PDGFD: variants seen among roughly 807,000 people sequenced by gnomAD.
PDGFD encodes the protein platelet-derived growth factor D.
Under a neutral mutation model 44.7 loss-of-function variants are expected in PDGFD, and 30 were observed. The ratio of observed to expected loss-of-function variants is 0.67; its 90% CI spans 0.50 to 0.91. The LOEUF (loss-of-function observed/expected upper bound fraction) is 0.91. Among genes scored for constraint, PDGFD ranks in the 40% least tolerant of loss-of-function variants. PDGFD has a pLI of 0.00. For synonymous variants in PDGFD, 173 were observed against 168.4 expected (o/e 1.03, Z -0.21); for missense variants, 445 against 457.8 (o/e 0.97, Z 0.25).
At chr11:104,073,136 T>C (rs1341923952) in intron 1 of PDGFD, among the ~76,000 whole-genome samples, 2 of 152,024 alleles carry the variant, frequency 1.3e-5, no homozygotes. Context: ...CAGGATTAGT[T>C]TTATCCTCCA....
chr11:104,032,193 A>C lies in PDGFD; in HGVS notation c.125-31938T>G, dbSNP rs1860137359. Among the ~76,000 whole-genome samples, 3 of 152,016 alleles carry C rather than the reference A, an allele frequency of 2.0e-5. No individual in the cohort carries two copies. In the South Asian group the frequency reaches 6.2e-4, roughly 32 times the overall value. ...AAACACAGATATATACAACAACAAC[A>C]ACAAAAATAATGAATAAATAAATAA... On this transcript the variant is annotated intron_variant, in intron 1 of 6. Transcript: ENST00000393158.
chr11:104,118,580 G>T (rs1861675650), intron 1 of PDGFD, among the ~76,000 whole-genome samples: 1 of 150,678 alleles, frequency 6.6e-6, no homozygotes, highest in African/African-American at 2.4e-5. Flanking sequence ...AAAAGGAGTA[G>T]TGAGAGGGGA....
chr11:103,988,558 T>C lies in PDGFD; in HGVS notation c.510+7507A>G, dbSNP rs1859405034. Among the ~76,000 whole-genome samples the C allele has an allele frequency of 1.3e-5, 2 of 152,082 alleles. 1 individual carries two copies. The highest frequency in any genetic ancestry group is 4.1e-4 in the South Asian group (2 of 4,820). On this transcript the variant is annotated intron_variant, in intron 3 of 6. Coordinates refer to ENST00000393158, the MANE Select transcript of PDGFD (RefSeq NM_025208.5). Reference sequence around the variant, plus strand: ...TCAGATAACACACAAAGGCAGCAAGTGTGGGGTACTTAACCGCGCCCGTGG... The same window carrying C: ...TCAGATAACACACAAAGGCAGCAAGCGTGGGGTACTTAACCGCGCCCGTGG...
chr11:104,037,642 G>A (rs772649846), intron 1 of PDGFD: 9 of 1,613,998 alleles, frequency 5.6e-6, no homozygotes, highest in African/African-American at 1.3e-5. Flanking sequence ...GGCTTGTGCC[G>A]AGCGATGTAA....
intron 3 of PDGFD, among the ~76,000 whole-genome samples, chr11:103,992,876 T>C (rs781711787): frequency 2.1e-4 from 32 of 152,120 alleles, no homozygotes; most frequent in Non-Finnish European, 4.3e-4. Context: ...CTACTACTTG[T>C]AGCTTTAGGA....
chr11:104,014,100 T>G (rs1443526260), intron 1 of PDGFD, among the ~76,000 whole-genome samples: 1 of 152,192 alleles, frequency 6.6e-6, no homozygotes, highest in Non-Finnish European at 1.5e-5. Flanking sequence ...ATGTCTCGCA[T>G]GGGCCCAGAA....
rs141538106 is a variant in PDGFD, at chr11:103,943,604, G to A, written c.620C>T (p.Ala207Val). The A allele has an allele frequency of 2.5e-5, 40 of 1,613,102 alleles. No individual in the cohort carries two copies. The Middle Eastern group carries it at 6.6e-4, about 27-fold the overall frequency. ...TGCAATTTTTTTGTCCAGAGCATCCGCAATCAGAGTGGGATCCGTTACTGA... is the reference window on the plus strand; with the variant it reads ...TGCAATTTTTTTGTCCAGAGCATCCACAATCAGAGTGGGATCCGTTACTGA... ...SPSVTDPTLI[A>V]DALDKKIAEF... The change falls in exon 5 of 7, where the codon GCG becomes GTG. Residue 207 changes from alanine to valine, a missense_variant. By Grantham distance (64) the Ala-to-Val change is moderately conservative. Transcript: ENST00000393158.
chr11:103,937,121 G>A (rs751932149), intron 5 of PDGFD, among the ~76,000 whole-genome samples: 9 of 152,038 alleles, frequency 5.9e-5, no homozygotes, highest in Non-Finnish European at 1.0e-4. Context: ...CCACTGTGTC[G>A]AGTCTAAAAC....
At chr11:103,919,190 A>G (rs1181755757) in intron 6 of PDGFD, among the ~76,000 whole-genome samples, 4 of 152,206 alleles carry the variant, frequency 2.6e-5, no homozygotes, top group Admixed American at 6.5e-5. Context: ...TGGGTTTCAT[A>G]CCACCATACA....
At chr11:104,043,581 G>A (rs1860393778) in intron 1 of PDGFD, among the ~76,000 whole-genome samples, 1 of 152,124 alleles carries the variant, frequency 6.6e-6, no homozygotes, top group Non-Finnish European at 1.5e-5. Flanking sequence ...GGCTATAAAG[G>A]AATACCTGTG....
At chr11:104,125,825 T>C (rs1001145094) in intron 1 of PDGFD, among the ~76,000 whole-genome samples, 7 of 152,280 alleles carry the variant, frequency 4.6e-5, no homozygotes, top group African/African-American at 1.7e-4. Context: ...ATGCTGAAGG[T>C]AGGCAATGGA....
intron 1 of PDGFD, among the ~76,000 whole-genome samples, chr11:104,105,922 T>C (rs943140255): frequency 3.0e-4 from 45 of 152,216 alleles, no homozygotes; most frequent in African/African-American, 1.1e-3. Context: ...TCATGAATTA[T>C]GAAGAAAAAA....
Position 103,983,270 on chromosome 11 carries a change from C to T in PDGFD, c.510+12795G>A, listed in dbSNP as rs943166636. On this transcript the variant is annotated intron_variant, in intron 3 of 6. Coordinates refer to ENST00000393158, the MANE Select transcript of PDGFD (RefSeq NM_025208.5). The stretch of plus-strand genomic sequence containing the variant: ...GAGAACCACAAAATAAGACCACTCA[C>T]CTACAACTATCTGATCTTTGACAAA... Among the ~76,000 whole-genome samples the T allele has an allele frequency of 1.1e-4, 17 of 151,608 alleles. 1 individual carries two copies. Among genetic ancestry groups the T allele is most frequent in the African/African-American group, 4.1e-4 (17 of 41,100 alleles).
chr11:104,016,903 T>C (rs1565311315), intron 1 of PDGFD, among the ~76,000 whole-genome samples: 1 of 152,218 alleles, frequency 6.6e-6, no homozygotes, highest in Non-Finnish European at 1.5e-5. Context: ...AAGCAGGTTT[T>C]GGGAAGAAAT....
At chr11:104,142,511 C>T (rs926106172) in intron 1 of PDGFD, among the ~76,000 whole-genome samples, 9 of 151,892 alleles carry the variant, frequency 5.9e-5, no homozygotes, top group Admixed American at 2.6e-4. Flanking sequence ...AAATTTCCAC[C>T]TTATCTACCT....
At chr11:103,934,139 G>A (rs755019252) in intron 5 of PDGFD, among the ~76,000 whole-genome samples, 3 of 152,148 alleles carry the variant, frequency 2.0e-5, no homozygotes, top group Non-Finnish European at 4.4e-5. Context: ...CTATTTTCTA[G>A]CTCTCACAGA....
intron 1 of PDGFD, among the ~76,000 whole-genome samples, chr11:104,130,468 T>G (rs1201982714): frequency 2.0e-5 from 3 of 152,140 alleles, no homozygotes; most frequent in Non-Finnish European, 2.9e-5. Context: ...TTAACCCACT[T>G]TTCTCCAAAT....
intron 1 of PDGFD, chr11:104,038,779 TG>T (rs1860299651): frequency 6.0e-6 from 1 of 167,090 alleles, no homozygotes; most frequent in Non-Finnish European, 1.5e-5. Flanking sequence ...TGGTACTTCT[TG>T]GGAGTCAAGT....
chr11:104,159,372 T>G (rs1366857527), intron 1 of PDGFD, among the ~76,000 whole-genome samples: 1 of 152,146 alleles, frequency 6.6e-6, no homozygotes, highest in East Asian at 1.9e-4. Flanking sequence ...ATTCTACACC[T>G]GGTTCATCCA....
Sources: gnomAD v4.1 joint callset for allele counts (sites outside exome capture counted in the v4.1 genomes callset) on GRCh38, gnomAD v4.1.1 for gene constraint, MANE v1.5 for transcripts, NCBI Gene and HGNC (gene_info 2026-07-23, HGNC 2026-07-21) for gene names.